The following GREB1L variants were observed in gnomAD, a reference collection of about 807,000 sequenced individuals.
GREB1L encodes the protein GREB1 like retinoic acid receptor coactivator, also known as GREB1-like protein.
A neutral mutation model predicts 200.8 loss-of-function variants in GREB1L; 17 were observed. That is an observed-to-expected ratio of 0.08 (90% confidence interval 0.06 to 0.13). GREB1L has a LOEUF of 0.13. Among genes scored for constraint, GREB1L ranks in the 10% least tolerant of loss-of-function variants. GREB1L has a pLI of 1.00. For missense variants in GREB1L, 1,657 were observed against 2,367.7 expected, an observed-to-expected ratio of 0.70 and a Z score of 6.23; for synonymous variants, 789 against 893.0, an observed-to-expected ratio of 0.88 and a Z score of 2.08.
At chr18:21,511,304 C>T (rs1217801216) in intron 27 of GREB1L, among the ~76,000 whole-genome samples, 1 of 151,700 alleles carries the variant, frequency 6.6e-6, no homozygotes, top group Admixed American at 6.6e-5. Flanking sequence ...GTGGAGGTTG[C>T]GGTAAGCTGA....
chr18:21,242,866 G>A (rs980679920), intron 1 of GREB1L, among the ~76,000 whole-genome samples: 19 of 152,174 alleles, frequency 1.2e-4, no homozygotes, highest in Non-Finnish European at 2.4e-4. Flanking sequence ...CGGGCAGGCG[G>A]GCGGGCGACA....
chr18:21,258,903 A>G (rs1406051788), intron 1 of GREB1L, among the ~76,000 whole-genome samples: 2 of 152,220 alleles, frequency 1.3e-5, no homozygotes, highest in Non-Finnish European at 1.5e-5. Context: ...CCAGGATAAT[A>G]CTGCATAGTG....
intron 1 of GREB1L, among the ~76,000 whole-genome samples, chr18:21,252,989 G>T (rs2037737312): frequency 6.6e-6 from 1 of 152,302 alleles, no homozygotes; most frequent in Admixed American, 6.5e-5. Context: ...GCCAAATTAT[G>T]AGAACAGAGC....
chr18:21,425,825 T>C (rs1292211616), intron 7 of GREB1L, among the ~76,000 whole-genome samples: 5 of 152,208 alleles, frequency 3.3e-5, no homozygotes, highest in African/African-American at 9.6e-5. Flanking sequence ...TTTTCTCCCA[T>C]TCTGTGGGTT....
intron 5 of GREB1L, among the ~76,000 whole-genome samples, chr18:21,400,558 T>C (rs906865612): frequency 6.6e-6 from 1 of 152,244 alleles, no homozygotes; most frequent in African/African-American, 2.4e-5. Context: ...TTAGCTTACA[T>C]GTGGCTGACA....
At chr18:21,389,321 AT>A (rs896496153) in intron 4 of GREB1L, among the ~76,000 whole-genome samples, 1 of 123,158 alleles carries the variant, frequency 8.1e-6, no homozygotes, top group African/African-American at 3.3e-5. Context: ...AACCCCCATC[AT>A]TATGGGGTGG....
chr18:21,510,634 T>A (rs939508231), intron 27 of GREB1L, among the ~76,000 whole-genome samples: 1 of 152,222 alleles, frequency 6.6e-6, no homozygotes, highest in African/African-American at 2.4e-5. Flanking sequence ...CTGTTGTGCA[T>A]CATGCTTTTA....
At chr18:21,269,983 T>G (rs1486642518) in intron 1 of GREB1L, among the ~76,000 whole-genome samples, 1 of 152,188 alleles carries the variant, frequency 6.6e-6, no homozygotes, top group Non-Finnish European at 1.5e-5. Context: ...TAATGAAAAT[T>G]AGGTTGCATT....
chr18:21,417,468 C>T (rs1167251975), intron 7 of GREB1L, among the ~76,000 whole-genome samples: 1 of 151,934 alleles, frequency 6.6e-6, no homozygotes, highest in African/African-American at 2.4e-5. Context: ...TAGCCAAGAT[C>T]GCGCCACTGC....
chr18:21,440,084 T>G (rs2033810578), intron 8 of GREB1L, among the ~76,000 whole-genome samples, 185 bp from the exon 9 acceptor site: 1 of 152,210 alleles, frequency 6.6e-6, no homozygotes, highest in Admixed American at 6.5e-5. Context: ...GTGGCTGTTA[T>G]TGTAATGTTA....
At position 21,463,796 on chromosome 18, in the gene GREB1L, G is replaced by A. The variant is rs140996271; in HGVS notation, c.2182+9233G>A. ...CGTTGCTCAGGCTGGTCTCAAACTC[G>A]TATCTGTGAGCACATGGAGCATTTA... On this transcript the variant is annotated intron_variant, in intron 15 of 32. Coordinates refer to ENST00000424526, the MANE Select transcript of GREB1L (RefSeq NM_001142966.3). 2.9e-4 allele frequency among the ~76,000 whole-genome samples: 44 copies of A among 152,100 alleles called. 1 individual carries two copies. The highest frequency in any genetic ancestry group is 2.7e-3 in the Admixed American group (41 of 15,262).
chr18:21,496,266 A>T (rs1431405881), intron 20 of GREB1L, among the ~76,000 whole-genome samples, 188 bp from the exon 21 acceptor site: 4 of 152,180 alleles, frequency 2.6e-5, no homozygotes, highest in Admixed American at 2.0e-4. Flanking sequence ...ATTCGAAGAA[A>T]ATGAAGCACA....
intron 1 of GREB1L, among the ~76,000 whole-genome samples, chr18:21,258,524 G>A (rs1332471843): frequency 1.3e-5 from 2 of 152,152 alleles, no homozygotes; most frequent in Non-Finnish European, 1.5e-5. Context: ...CTAAGCCACT[G>A]ACTACACAGG....
At chr18:21,341,060 G>A (rs1457433123) in intron 1 of GREB1L, among the ~76,000 whole-genome samples, 1 of 152,170 alleles carries the variant, frequency 6.6e-6, no homozygotes, top group Non-Finnish European at 1.5e-5. Flanking sequence ...ACATGATTAT[G>A]AAGTAGTGAA....
intron 7 of GREB1L, among the ~76,000 whole-genome samples, chr18:21,405,799 G>A (rs1186312122): frequency 7.3e-5 from 11 of 151,584 alleles, no homozygotes; most frequent in African/African-American, 1.7e-4. Flanking sequence ...AGACTCTGTC[G>A]CAAAAGAAAA....
chr18:21,242,952 G>T (rs1161246947), intron 1 of GREB1L, among the ~76,000 whole-genome samples: 3 of 152,172 alleles, frequency 2.0e-5, no homozygotes, highest in African/African-American at 4.8e-5. Context: ...TCCAGAGGTG[G>T]CTGGGCGCTC....
intron 5 of GREB1L, among the ~76,000 whole-genome samples, chr18:21,396,201 C>T (rs573388401): frequency 3.3e-5 from 5 of 151,958 alleles, no homozygotes; most frequent in South Asian, 4.2e-4. Flanking sequence ...CCCACCATCA[C>T]GCCCAGCTAC....
intron 19 of GREB1L, among the ~76,000 whole-genome samples, chr18:21,494,739 T>C (rs1371024198): frequency 6.6e-6 from 1 of 152,190 alleles, no homozygotes; most frequent in African/African-American, 2.4e-5. Flanking sequence ...TAGTAAAAAG[T>C]ATAGGTACAT....
At chr18:21,384,145 CTG>C (rs2040438301) in intron 3 of GREB1L, 59 bp from the exon 4 acceptor site, 1 of 1,132,102 alleles carries the variant, frequency 8.8e-7, no homozygotes, top group East Asian at 2.6e-5. Flanking sequence ...TCTTTCAGAA[CTG>C]TGCATTTTTC....
Sources: gnomAD v4.1 joint callset for allele counts (sites outside exome capture counted in the v4.1 genomes callset) on GRCh38, gnomAD v4.1.1 for gene constraint, MANE v1.5 for transcripts, NCBI Gene and HGNC (gene_info 2026-07-23, HGNC 2026-07-21) for gene names.